Variants in PPIG observed in about 807,000 individuals in gnomAD.
The protein encoded by PPIG is peptidylprolyl isomerase G.
In PPIG, 26 loss-of-function variants were observed where a neutral mutation model predicts 87.9. The observed-to-expected ratio is 0.30, with a 90% confidence interval of 0.22 to 0.41. The LOEUF (loss-of-function observed/expected upper bound fraction) is 0.41. Among genes scored for constraint, PPIG ranks in the 10% least tolerant of loss-of-function variants. PPIG has a pLI of 1.00. For synonymous variants in PPIG, 308 were observed against 276.5 expected (o/e 1.11, Z -1.13); for missense variants, 722 against 879.4 (o/e 0.82, Z 2.26).
intron 1 of PPIG, among the ~76,000 whole-genome samples, chr2:169,586,230 A>T (rs147415305): frequency 6.6e-6 from 1 of 152,112 alleles, no homozygotes; most frequent in African/African-American, 2.4e-5. Context: ...GATTCTGCGC[A>T]TTTGAATTGT....
chr2:169,585,067 A>G (rs1684660657), intron 1 of PPIG, among the ~76,000 whole-genome samples: 2 of 152,080 alleles, frequency 1.3e-5, no homozygotes, highest in South Asian at 4.1e-4. Flanking sequence ...CGTGCAGTTA[A>G]GTGGCAGAGG....
In PPIG at chr2:169,631,945, T is replaced by C. The variant is rs758310105; in HGVS notation, c.929+12T>C. On this transcript the variant is annotated intron_variant, in intron 11 of 13. Coordinates refer to ENST00000260970, the MANE Select transcript of PPIG (RefSeq NM_004792.3). ...AGGGAAAGAGAGTGGTATGTGAATA[T>C]GTATATTTTGCCTTACATGGTTTAC... is the stretch of plus-strand genomic sequence containing the variant. The C allele has an allele frequency of 2.5e-5, 40 of 1,571,222 alleles. No homozygotes were observed. The highest frequency in any genetic ancestry group is 3.2e-5 in the Non-Finnish European group (37 of 1,151,848).
intron 13 of PPIG, 74 bp downstream of exon 13, chr2:169,636,302 C>A: frequency 6.7e-7 from 1 of 1,488,402 alleles, no homozygotes; most frequent in Non-Finnish European, 9.0e-7. Context: ...AAGTTATTGT[C>A]ATTTTAGTTA....
At chr2:169,587,671 A>G (rs1262186494) in intron 1 of PPIG, among the ~76,000 whole-genome samples, 1 of 152,188 alleles carries the variant, frequency 6.6e-6, no homozygotes, top group African/African-American at 2.4e-5. Flanking sequence ...AAAAACTTGC[A>G]TCCTGAAATT....
At chr2:169,633,453 T>G in intron 12 of PPIG, 1 of 594,198 alleles carries the variant, frequency 1.7e-6, no homozygotes, top group East Asian at 3.0e-5. Flanking sequence ...GAATAGATTT[T>G]ACATTTACAT....
intron 9 of PPIG, among the ~76,000 whole-genome samples, chr2:169,619,751 CTT>C (rs199701728): frequency 6.8e-6 from 1 of 148,074 alleles, no homozygotes; most frequent in Non-Finnish European, 1.5e-5. Flanking sequence ...CCCTTGTTTT[CTT>C]TTTTTTTTAT....
At chr2:169,620,759 A>T (rs1030067892) in intron 9 of PPIG, among the ~76,000 whole-genome samples, 5 of 152,154 alleles carry the variant, frequency 3.3e-5, no homozygotes, top group Non-Finnish European at 7.4e-5. Flanking sequence ...TAAATATTTT[A>T]AGTCTTTATA....
At chr2:169,615,047 G>GTTGT (rs961900867) in intron 9 of PPIG, among the ~76,000 whole-genome samples, 3 of 149,936 alleles carry the variant, frequency 2.0e-5, no homozygotes, top group South Asian at 2.1e-4. Flanking sequence ...TTTTTTTTTT[G>GTTGT]TTGTTTGTTT....
intron 9 of PPIG, among the ~76,000 whole-genome samples, chr2:169,622,408 A>G (rs1685781235): frequency 6.6e-6 from 1 of 152,246 alleles, no homozygotes. Flanking sequence ...AGCTCTTTAT[A>G]TATTACTTAC....
chr2:169,588,447 A>G (rs552272873), intron 1 of PPIG, among the ~76,000 whole-genome samples: 53 of 152,282 alleles, frequency 3.5e-4, no homozygotes, highest in African/African-American at 1.2e-3. Flanking sequence ...CACTCATTTC[A>G]TCTCTTTTGT....
intron 1 of PPIG, among the ~76,000 whole-genome samples, chr2:169,586,187 G>A (rs563195468): frequency 3.9e-5 from 6 of 152,240 alleles, no homozygotes; most frequent in Middle Eastern, 6.8e-3. Context: ...CAGAATTATT[G>A]ATGCTCTGAG....
chr2:169,596,151 A>C (rs1685010847), intron 1 of PPIG, among the ~76,000 whole-genome samples: 1 of 150,448 alleles, frequency 6.6e-6, no homozygotes, highest in South Asian at 2.1e-4. Flanking sequence ...CCCAGGCTGG[A>C]GTGCAGTGGC....
At chr2:169,599,026 A>T (rs1235179779) in intron 1 of PPIG, among the ~76,000 whole-genome samples, 2 of 151,978 alleles carry the variant, frequency 1.3e-5, no homozygotes, top group Non-Finnish European at 2.9e-5. Flanking sequence ...AACCTTGCAC[A>T]TATCTTATTT....
At chr2:169,621,267 TGGAG>T in intron 9 of PPIG, among the ~76,000 whole-genome samples, 1 of 152,016 alleles carries the variant, frequency 6.6e-6, no homozygotes, top group Non-Finnish European at 1.5e-5. Flanking sequence ...GAGATGGGCA[TGGAG>T]AAGGCAAAAT....
At chr2:169,635,332 C>T (rs191709372) in intron 12 of PPIG, among the ~76,000 whole-genome samples, 1 of 152,072 alleles carries the variant, frequency 6.6e-6, no homozygotes, top group Non-Finnish European at 1.5e-5. Context: ...TACTACTTTC[C>T]CTTGCAGTTT....
chr2:169,601,362 C>G (rs1685179385), intron 1 of PPIG, among the ~76,000 whole-genome samples: 1 of 152,068 alleles, frequency 6.6e-6, no homozygotes, highest in Admixed American at 6.6e-5. Flanking sequence ...AAGAATAAGA[C>G]TGAAAATTCA....
At chr2:169,627,938 A>C (rs1685937397) in intron 9 of PPIG, among the ~76,000 whole-genome samples, 1 of 151,768 alleles carries the variant, frequency 6.6e-6, no homozygotes, top group South Asian at 2.1e-4. Flanking sequence ...TTTTTATTTC[A>C]TTGTGAATTT....
intron 1 of PPIG, among the ~76,000 whole-genome samples, chr2:169,592,580 A>G (rs1441366457): frequency 6.6e-6 from 1 of 152,076 alleles, no homozygotes; most frequent in Non-Finnish European, 1.5e-5. Context: ...CTGGGATTAT[A>G]GGCGTGAGCC....
chr2:169,593,435 A>G (rs1244845187), intron 1 of PPIG, among the ~76,000 whole-genome samples: 1 of 152,014 alleles, frequency 6.6e-6, no homozygotes, highest in Non-Finnish European at 1.5e-5. Flanking sequence ...ACCTCAGGTG[A>G]TCTACCCGCC....
Sources: gnomAD v4.1 joint callset for allele counts (sites outside exome capture counted in the v4.1 genomes callset) on GRCh38, gnomAD v4.1.1 for gene constraint, MANE v1.5 for transcripts, NCBI Gene and HGNC (gene_info 2026-07-23, HGNC 2026-07-21) for gene names.